The following MAD1L1 variants were observed in gnomAD, a reference collection of about 807,000 sequenced individuals.
MAD1L1 encodes mitotic arrest deficient 1 like 1, also known as mitotic spindle assembly checkpoint protein MAD1.
Under a neutral mutation model 96.9 loss-of-function variants are expected in MAD1L1, and 95 were observed. The observed-to-expected ratio is 0.98, with a 90% CI of 0.83 to 1.16. MAD1L1 has a LOEUF of 1.16. Among genes scored for constraint, MAD1L1 ranks in the 50% most tolerant of loss-of-function variants. MAD1L1 has a pLI of 0.00. For missense variants in MAD1L1, 1,007 were observed against 954.4 expected, an observed-to-expected ratio of 1.06 and a Z score of -0.73; for synonymous variants, 473 against 396.6, an observed-to-expected ratio of 1.19 and a Z score of -2.29.
At chr7:2,210,355 G>A (rs1313463590) in intron 10 of MAD1L1, among the ~76,000 whole-genome samples, 3 of 152,206 alleles carry the variant, frequency 2.0e-5, no homozygotes, top group African/African-American at 4.8e-5. Context: ...ACAGGTGTGA[G>A]CCACTGTGCG....
At position 2,119,031 on chromosome 7, in the gene MAD1L1, C is replaced by T. The variant is rs540498718; in HGVS notation, c.1073+30121G>A. Among the ~76,000 whole-genome samples, 4 of 152,170 alleles carry T rather than the reference C, an allele frequency of 2.6e-5. No individual in the cohort carries two copies. Among genetic ancestry groups the T allele is most frequent in the South Asian group, 2.1e-4 (1 of 4,806 alleles). ...CGCCCCAGCCTCCAGCCCCACGTGA[C>T]GGTCTGCCTCCCAGACCCCTGCGCG... is the stretch of plus-strand genomic sequence containing the variant. On this transcript the variant is annotated intron_variant, in intron 11 of 18. Transcript: ENST00000265854. The surrounding 1 kb of genome is among the most constrained non-coding windows in gnomAD (Gnocchi z 4.6).
chr7:2,037,385 C>G (rs914432327), intron 12 of MAD1L1, among the ~76,000 whole-genome samples: 3 of 152,232 alleles, frequency 2.0e-5, no homozygotes, highest in African/African-American at 7.2e-5. Flanking sequence ...CTGGACTACA[C>G]AGATACTGTG....
intron 17 of MAD1L1, among the ~76,000 whole-genome samples, chr7:1,902,838 G>A (rs904176348): frequency 4.7e-5 from 7 of 149,946 alleles, no homozygotes; most frequent in Middle Eastern, 6.9e-3. Context: ...GGATGCAGTG[G>A]CCTATGGAAG....
At chr7:2,005,370 G>A (rs930802759) in intron 13 of MAD1L1, among the ~76,000 whole-genome samples, 8 of 152,026 alleles carry the variant, frequency 5.3e-5, no homozygotes, top group Non-Finnish European at 1.0e-4. Flanking sequence ...ACACACACTC[G>A]CTCTGTCGTC....
At chr7:1,840,964 G>A (rs1783220575) in intron 18 of MAD1L1, among the ~76,000 whole-genome samples, 2 of 152,224 alleles carry the variant, frequency 1.3e-5, no homozygotes, top group African/African-American at 4.8e-5. Context: ...GGGGCCAGGT[G>A]GTCCCCGTGC....
At chr7:2,208,845 C>A (rs558777906) in intron 10 of MAD1L1, among the ~76,000 whole-genome samples, 1 of 152,276 alleles carries the variant, frequency 6.6e-6, no homozygotes, top group Admixed American at 6.5e-5. Context: ...CCGCTTTCCT[C>A]ACCCGTAAGT....
At chr7:1,989,490 G>A (rs971684813) in intron 14 of MAD1L1, among the ~76,000 whole-genome samples, 3 of 152,264 alleles carry the variant, frequency 2.0e-5, no homozygotes, top group Non-Finnish European at 2.9e-5. Context: ...CACGGGCTGG[G>A]AGCCCTCGGC....
At chr7:2,200,758 C>T (rs1049005486) in intron 10 of MAD1L1, among the ~76,000 whole-genome samples, 15 of 152,246 alleles carry the variant, frequency 9.9e-5, no homozygotes, top group South Asian at 2.1e-4. Context: ...TTCATGCACA[C>T]GGCCCCCCTG....
intron 16 of MAD1L1, among the ~76,000 whole-genome samples, chr7:1,953,261 C>T (rs564999893): frequency 5.3e-5 from 8 of 152,298 alleles, no homozygotes; most frequent in Admixed American, 2.6e-4. Context: ...ACAGGGAACC[C>T]GGCAATCTTC....
At chr7:1,987,227 G>GT (rs1781192767) in intron 14 of MAD1L1, among the ~76,000 whole-genome samples, 1 of 152,208 alleles carries the variant, frequency 6.6e-6, no homozygotes. Flanking sequence ...GACTGGGCAC[G>GT]TGACTCTCCT....
chr7:1,846,008 C>T (rs62435129), intron 18 of MAD1L1: 2,434 of 152,936 alleles, frequency 0.016, 28 homozygotes, highest in Middle Eastern at 0.031. Flanking sequence ...GTGCCCGTGA[C>T]CAGGGAGATG....
At chr7:1,982,920 G>A (rs1379295212) in intron 14 of MAD1L1, among the ~76,000 whole-genome samples, 1 of 151,986 alleles carries the variant, frequency 6.6e-6, no homozygotes, top group Non-Finnish European at 1.5e-5. Context: ...GCTGAGTGTT[G>A]GATTTTGTCA....
At chr7:1,998,107 G>A (rs540990089) in intron 14 of MAD1L1, among the ~76,000 whole-genome samples, 1 of 152,296 alleles carries the variant, frequency 6.6e-6, no homozygotes. Flanking sequence ...TTGAAAAGCA[G>A]CCAAACCTCC....
chr7:2,163,770 G>C (rs1053291714), intron 10 of MAD1L1, among the ~76,000 whole-genome samples: 5 of 152,144 alleles, frequency 3.3e-5, no homozygotes, highest in Admixed American at 3.3e-4. Context: ...TGGACGCCCT[G>C]GAGGCAGCCT....
At chr7:1,871,503 C>T (rs1219454920) in intron 18 of MAD1L1, among the ~76,000 whole-genome samples, 2 of 148,994 alleles carry the variant, frequency 1.3e-5, no homozygotes, top group Admixed American at 6.7e-5. Flanking sequence ...GCCTGCCACG[C>T]TGAACTGACC....
At chr7:2,199,986 C>G (rs976744702) in intron 10 of MAD1L1, among the ~76,000 whole-genome samples, 1 of 152,226 alleles carries the variant, frequency 6.6e-6, no homozygotes, top group Non-Finnish European at 1.5e-5. Context: ...TTCCAGGAAG[C>G]CACACTCACA....
chr7:2,079,538 A>G lies in MAD1L1; in HGVS notation c.1074-10200T>C, dbSNP rs565129409. ...ACGCTCTGTTCCCAACATCTCGTCAACTGGAATCACCAAATTCAATTTGCA... is the reference window on the plus strand; with the variant it reads ...ACGCTCTGTTCCCAACATCTCGTCAGCTGGAATCACCAAATTCAATTTGCA... On this transcript the variant is annotated intron_variant, in intron 11 of 18. Coordinates refer to ENST00000265854, the MANE Select transcript of MAD1L1 (RefSeq NM_001013836.2). Among the ~76,000 whole-genome samples the G allele has an allele frequency of 6.6e-5, 10 of 152,334 alleles. No individual in the cohort carries two copies. The East Asian group carries it at 1.9e-3, about 29-fold the overall frequency.
intron 17 of MAD1L1, among the ~76,000 whole-genome samples, chr7:1,921,726 G>C (rs760599210): frequency 6.6e-6 from 1 of 152,210 alleles, no homozygotes; most frequent in Middle Eastern, 3.4e-3. Context: ...TCTGAATACA[G>C]ACCCGATTTT....
At chr7:1,986,361 CCAGCTTGGAACCACACGCCAGT>C (rs1781141912) in intron 14 of MAD1L1, among the ~76,000 whole-genome samples, 1 of 151,764 alleles carries the variant, frequency 6.6e-6, no homozygotes, top group South Asian at 2.1e-4. Flanking sequence ...ACACGCCAGT[CCAGCTTGGAACCACACGCCAGT>C]CCAGGGACCC....
Sources: allele counts gnomAD v4.1 joint callset (sites outside exome capture counted in the v4.1 genomes callset), GRCh38; gene constraint gnomAD v4.1.1; non-coding constraint Gnocchi (gnomAD v3.1); transcripts MANE v1.5; gene names NCBI Gene and HGNC (gene_info 2026-07-23, HGNC 2026-07-21).